The following ADNP2 variants were observed in gnomAD, a reference collection of about 807,000 sequenced individuals.
ADNP2 encodes activity-dependent neuroprotector homeobox protein 2.
ADNP2 carries 8 observed loss-of-function variants against 16.4 expected under a neutral mutation model. The ratio of observed to expected loss-of-function variants is 0.49; its 90% CI spans 0.29 to 0.88. The LOEUF (loss-of-function observed/expected upper bound fraction) is 0.88. ADNP2 is among the 40% of genes least tolerant of loss of function. The probability of loss-of-function intolerance (pLI) is 0.09; values close to 1 mark genes in which losing one functional copy is unlikely to be tolerated. For synonymous variants in ADNP2, 637 were observed against 545.8 expected (o/e 1.17, Z -2.33); for missense variants, 1,397 against 1,395.1 (o/e 1.00, Z -0.02).
intron 2 of ADNP2, among the ~76,000 whole-genome samples, chr18:80,129,585 C>G (rs2145206594): frequency 6.6e-6 from 1 of 152,214 alleles, no homozygotes; most frequent in Admixed American, 6.5e-5. Context: ...CAGCTTAGTC[C>G]CCTGTCCCCT....
rs772865007 is a variant in ADNP2 at position 80,138,412 on chromosome 18, T to C, written c.2999T>C (p.Leu1000Pro). ...QRHGEEQPPILNADAAPGPEK... is the reference protein window; with the variant it reads ...QRHGEEQPPIPNADAAPGPEK... ...CATGGGGAGGAGCAGCCTCCCATCC[T>C]AAATGCCGATGCAGCCCCGGGTCCA... The change falls in exon 4 of 4, where the codon CTA becomes CCA. Residue 1000 changes from leucine to proline, a missense_variant. Leu to Pro is a moderately conservative substitution (Grantham distance 98, BLOSUM62 -3). Coordinates refer to ENST00000262198, the MANE Select transcript of ADNP2 (RefSeq NM_014913.4). 1.2e-6 allele frequency: 2 copies of C among 1,614,048 alleles called. No individual in the cohort carries two copies. The highest frequency in any genetic ancestry group is 1.7e-6 in the Non-Finnish European group (2 of 1,180,014).
chr18:80,121,762 G>A (rs981464248), intron 2 of ADNP2, among the ~76,000 whole-genome samples: 2 of 152,132 alleles, frequency 1.3e-5, no homozygotes, highest in East Asian at 3.8e-4. Flanking sequence ...TAGAAATTCA[G>A]TCGTTTCAGC....
chr18:80,134,689 A>G (rs2052520732), intron 3 of ADNP2, among the ~76,000 whole-genome samples: 1 of 152,132 alleles, frequency 6.6e-6, no homozygotes, highest in Non-Finnish European at 1.5e-5. Flanking sequence ...TGTTGTATGA[A>G]TATGCTTTTA....
intron 3 of ADNP2, chr18:80,133,610 T>C (rs1182059350): frequency 1.6e-5 from 3 of 183,926 alleles, no homozygotes; most frequent in East Asian, 3.6e-4. Context: ...CCTCAAACTT[T>C]TAAGCAAATT....
intron 1 of ADNP2, among the ~76,000 whole-genome samples, chr18:80,113,217 T>C (rs1294427303): frequency 1.3e-5 from 2 of 152,346 alleles, no homozygotes; most frequent in East Asian, 3.9e-4. Flanking sequence ...AAAGAAAATT[T>C]TTAAATTTTT....
rs1428836116 is a variant in ADNP2 at position 80,135,872 on chromosome 18, A to G, written c.459A>G (p.Ile153Met). The G allele has an allele frequency of 3.1e-6, 5 of 1,614,134 alleles. No individual in the cohort carries two copies. In the African/African-American group the frequency reaches 6.7e-5, roughly 22 times the overall value. The change falls in exon 4 of 4, where the codon ATA becomes ATG. Residue 153 changes from isoleucine (I) to methionine (M), a missense_variant. Ile to Met is a conservative substitution (Grantham distance 10). Transcript: ENST00000262198. Reference sequence around the variant, plus strand: ...CTAAATCATCTAGGAGCGATGTGATAAGTTTCACATGTCTAAAATGTAACT... The same window carrying G: ...CTAAATCATCTAGGAGCGATGTGATGAGTTTCACATGTCTAAAATGTAACT... ...GETKSSRSDV[I>M]SFTCLKCNFS...
chr18:80,115,366 C>A (rs759527055), intron 1 of ADNP2, among the ~76,000 whole-genome samples: 1 of 152,042 alleles, frequency 6.6e-6, no homozygotes, highest in South Asian at 2.1e-4. Context: ...TAAAGGAAAG[C>A]GGTATTTAGG....
intron 2 of ADNP2, among the ~76,000 whole-genome samples, chr18:80,128,032 A>G (rs1212556867): frequency 6.6e-6 from 1 of 152,220 alleles, no homozygotes; most frequent in African/African-American, 2.4e-5. Flanking sequence ...ATAGTAGCTT[A>G]CTTCTTTTGT....
In ADNP2 at chr18:80,125,621, C is replaced by T. The variant is rs997740535; in HGVS notation, c.109-7482C>T. On this transcript the variant is annotated intron_variant, in intron 2 of 3. Transcript: ENST00000262198. Reference sequence around the variant, plus strand: ...ATGTGCCACTGCACTCCAGCCTGGGCGACAGAGTGAGACTCCGTCTCAAAA... The same window carrying T: ...ATGTGCCACTGCACTCCAGCCTGGGTGACAGAGTGAGACTCCGTCTCAAAA... Among the ~76,000 whole-genome samples, 7 of 151,056 alleles carry T rather than the reference C, an allele frequency of 4.6e-5. No homozygotes were observed. The East Asian group carries it at 5.8e-4, about 13-fold the overall frequency.
intron 2 of ADNP2, among the ~76,000 whole-genome samples, chr18:80,128,189 G>C (rs2145205048): frequency 6.6e-6 from 1 of 152,214 alleles, no homozygotes; most frequent in Middle Eastern, 3.4e-3. Flanking sequence ...TGTGTGTGCT[G>C]GTTTTGAAGA....
At chr18:80,112,770 C>T (rs534210694) in intron 1 of ADNP2, among the ~76,000 whole-genome samples, 9 of 152,140 alleles carry the variant, frequency 5.9e-5, no homozygotes, top group Non-Finnish European at 1.2e-4. Context: ...TTTTAAAAGT[C>T]CACCAGTCTT....
chr18:80,134,703 C>T (rs753359584), intron 3 of ADNP2, among the ~76,000 whole-genome samples: 6 of 151,994 alleles, frequency 3.9e-5, no homozygotes, highest in South Asian at 2.1e-4. Context: ...GCTTTTAGGC[C>T]GCGAACTTGT....
intron 2 of ADNP2, among the ~76,000 whole-genome samples, chr18:80,127,339 G>GTTTTTTT (rs35560770): frequency 9.8e-6 from 1 of 102,184 alleles, no homozygotes. Flanking sequence ...GGTTTTTTCA[G>GTTTTTTT]TTTTTTTTTT....
At chr18:80,118,370 G>A (rs2052402502) in intron 2 of ADNP2, among the ~76,000 whole-genome samples, 2 of 152,046 alleles carry the variant, frequency 1.3e-5, no homozygotes. Context: ...AGAAGTTGCA[G>A]TGAGCCGAGA....
chr18:80,132,428 CA>C (rs2052502586), intron 2 of ADNP2, among the ~76,000 whole-genome samples: 1 of 152,158 alleles, frequency 6.6e-6, no homozygotes, highest in Non-Finnish European at 1.5e-5. Context: ...CACGATTTAA[CA>C]TAAGAGACTT....
chr18:80,131,131 C>G (rs1430921389), intron 2 of ADNP2, among the ~76,000 whole-genome samples: 1 of 152,158 alleles, frequency 6.6e-6, no homozygotes, highest in African/African-American at 2.4e-5. Flanking sequence ...TGGAAGTCAG[C>G]CGTTGAACCC....
At chr18:80,132,531 C>G (rs1438360383) in intron 2 of ADNP2, among the ~76,000 whole-genome samples, 1 of 152,158 alleles carries the variant, frequency 6.6e-6, no homozygotes, top group Admixed American at 6.5e-5. Context: ...CTCTTTTCCC[C>G]TGTAGATTTC....
At chr18:80,134,212 C>T (rs532919328) in intron 3 of ADNP2, among the ~76,000 whole-genome samples, 3 of 152,004 alleles carry the variant, frequency 2.0e-5, no homozygotes, top group South Asian at 2.1e-4. Context: ...TTTTCTCATC[C>T]GAATTCTTAA....
intron 2 of ADNP2, among the ~76,000 whole-genome samples, chr18:80,127,298 C>CT (rs2052465457): frequency 6.7e-6 from 1 of 149,008 alleles, no homozygotes; most frequent in Non-Finnish European, 1.5e-5. Context: ...CTCCTTGATA[C>CT]TGTCCCATAG....
Sources: allele counts gnomAD v4.1 joint callset (sites outside exome capture counted in the v4.1 genomes callset), GRCh38; gene constraint gnomAD v4.1.1; transcripts MANE v1.5; gene names NCBI Gene and HGNC (gene_info 2026-07-23, HGNC 2026-07-21).